The following TNR variants were observed in gnomAD, a reference collection of about 807,000 sequenced individuals.
TNR encodes the protein tenascin R, also known as tenascin-R.
Under a neutral mutation model 150.4 loss-of-function variants are expected in TNR, and 45 were observed. The ratio of observed to expected loss-of-function variants is 0.30; its 90% confidence interval spans 0.24 to 0.38. The LOEUF (loss-of-function observed/expected upper bound fraction) is 0.38. TNR is among the 10% of genes least tolerant of loss of function. The pLI is 1.00. For synonymous variants in TNR, 687 were observed against 678.4 expected, an observed-to-expected ratio of 1.01 and a Z score of -0.20; for missense variants, 1,544 against 1,759.1, an observed-to-expected ratio of 0.88 and a Z score of 2.19.
intron 2 of TNR, among the ~76,000 whole-genome samples, chr1:175,517,299 T>C (rs1021950631): frequency 1.3e-5 from 2 of 152,206 alleles, no homozygotes; most frequent in African/African-American, 2.4e-5. Flanking sequence ...AGTGGTATTC[T>C]AGGAGTTCTT....
chr1:175,331,082 T>TTTCTTTCTTTCTTTCCTTC (rs1649837467), intron 20 of TNR, among the ~76,000 whole-genome samples: 2 of 86,430 alleles, frequency 2.3e-5, no homozygotes, highest in East Asian at 4.1e-4. Context: ...TCTTTCCTTC[T>TTTCTTTCTTTCTTTCCTTC]TTCTTTCTTT....
intron 1 of TNR, among the ~76,000 whole-genome samples, chr1:175,586,387 G>A (rs761375158): frequency 6.6e-5 from 10 of 151,700 alleles, no homozygotes; most frequent in East Asian, 1.9e-4. Context: ...TGCAACCTCC[G>A]CCTCCCAGGT....
At chr1:175,726,544 A>T (rs1667485031) in intron 1 of TNR, among the ~76,000 whole-genome samples, 1 of 152,240 alleles carries the variant, frequency 6.6e-6, no homozygotes, top group Non-Finnish European at 1.5e-5. Context: ...TAGGAACAAA[A>T]CTACCCTCCT....
At chr1:175,425,505 C>G (rs1189916594) in intron 2 of TNR, among the ~76,000 whole-genome samples, 1 of 152,118 alleles carries the variant, frequency 6.6e-6, no homozygotes, top group Non-Finnish European at 1.5e-5. Context: ...GAGCTCTTAC[C>G]ATCAGAAGTG....
At chr1:175,742,891 G>A (rs17377915) in intron 1 of TNR, among the ~76,000 whole-genome samples, 2,140 of 151,464 alleles carry the variant, frequency 0.014, 24 homozygotes, top group Non-Finnish European at 0.024. Context: ...CAGACAAAAA[G>A]AACAGCCTTA....
intron 1 of TNR, among the ~76,000 whole-genome samples, chr1:175,559,613 G>C (rs1272156572): frequency 6.6e-6 from 1 of 152,032 alleles, no homozygotes; most frequent in African/African-American, 2.4e-5. Flanking sequence ...CATGTTTTTA[G>C]ATGTAAATAA....
At chr1:175,478,745 T>C (rs1657655774) in intron 2 of TNR, among the ~76,000 whole-genome samples, 1 of 152,188 alleles carries the variant, frequency 6.6e-6, no homozygotes, top group African/African-American at 2.4e-5. Flanking sequence ...CTTGTTTATA[T>C]AAAAAGATAA....
intron 1 of TNR, among the ~76,000 whole-genome samples, chr1:175,547,167 A>G (rs1660723456): frequency 1.3e-5 from 2 of 152,296 alleles, no homozygotes; most frequent in Admixed American, 1.3e-4. Flanking sequence ...AAGCCTGCGT[A>G]GCAGATTCCT....
At chr1:175,418,389 C>T (rs1654599711) in intron 2 of TNR, among the ~76,000 whole-genome samples, 2 of 152,192 alleles carry the variant, frequency 1.3e-5, no homozygotes, top group South Asian at 4.1e-4. Context: ...TGAGCTGGGT[C>T]TTGAAGAATG....
At chr1:175,721,299 C>T (rs751946665) in intron 1 of TNR, among the ~76,000 whole-genome samples, 12 of 152,178 alleles carry the variant, frequency 7.9e-5, no homozygotes, top group Non-Finnish European at 1.3e-4. Flanking sequence ...TATTTGTTTA[C>T]ATGTTTATTA....
intron 18 of TNR, among the ~76,000 whole-genome samples, chr1:175,338,093 G>A (rs908268010): frequency 2.6e-5 from 4 of 152,212 alleles, no homozygotes; most frequent in Non-Finnish European, 5.9e-5. Context: ...AGATGCATGG[G>A]CCAAAATAAA....
intron 1 of TNR, among the ~76,000 whole-genome samples, chr1:175,731,158 G>A (rs1309003151): frequency 6.6e-6 from 1 of 152,186 alleles, no homozygotes; most frequent in Non-Finnish European, 1.5e-5. Context: ...AGCTGGTTCT[G>A]TCTTCTGGCC....
chr1:175,378,833 T>C (rs859422), intron 9 of TNR, among the ~76,000 whole-genome samples: 4 of 152,180 alleles, frequency 2.6e-5, no homozygotes, highest in African/African-American at 9.6e-5. Context: ...GCAGTGGGAA[T>C]TCCCTGGAAT....
chr1:175,469,708 T>C (rs1227261838), intron 2 of TNR, among the ~76,000 whole-genome samples: 2 of 152,060 alleles, frequency 1.3e-5, no homozygotes, highest in African/African-American at 4.8e-5. Flanking sequence ...TAAGGTGCTC[T>C]GACATGATTC....
At chr1:175,459,012 C>T (rs1307900207) in intron 2 of TNR, among the ~76,000 whole-genome samples, 2 of 151,818 alleles carry the variant, frequency 1.3e-5, no homozygotes, top group East Asian at 3.9e-4. Flanking sequence ...ACCACTACCA[C>T]CATCATCATT....
intron 2 of TNR, among the ~76,000 whole-genome samples, chr1:175,417,001 C>G (rs1654494297): frequency 3.8e-5 from 1 of 26,224 alleles, no homozygotes; most frequent in African/African-American, 2.1e-4. Context: ...GAGCGAGACT[C>G]CATCTCAAAA....
At chr1:175,523,681 A>G (rs1659734589) in intron 2 of TNR, among the ~76,000 whole-genome samples, 1 of 152,030 alleles carries the variant, frequency 6.6e-6, no homozygotes, top group South Asian at 2.1e-4. Flanking sequence ...GGTCTGTATC[A>G]CCTCTCATCT....
intron 1 of TNR, among the ~76,000 whole-genome samples, chr1:175,621,670 T>C (rs571166596): frequency 6.6e-6 from 1 of 152,360 alleles, no homozygotes; most frequent in East Asian, 1.9e-4. Flanking sequence ...TACCTACCCT[T>C]CAATGTCCAG....
At chr1:175,604,022 T>G (rs1194983136) in intron 1 of TNR, among the ~76,000 whole-genome samples, 1 of 151,558 alleles carries the variant, frequency 6.6e-6, no homozygotes, top group Non-Finnish European at 1.5e-5. Flanking sequence ...GCTCCCACCA[T>G]GAAGACCCAT....
Sources: gnomAD v4.1 joint callset for allele counts (sites outside exome capture counted in the v4.1 genomes callset) on GRCh38, gnomAD v4.1.1 for gene constraint, MANE v1.5 for transcripts, NCBI Gene and HGNC (gene_info 2026-07-23, HGNC 2026-07-21) for gene names.